The following AKAP10 variants were observed in gnomAD, a reference collection of about 807,000 sequenced individuals.
The protein encoded by AKAP10 is A-kinase anchor protein 10, mitochondrial.
A neutral mutation model predicts 80.8 loss-of-function variants in AKAP10; 24 were observed. The observed-to-expected ratio is 0.30, with a 90% CI of 0.22 to 0.42. The LOEUF (loss-of-function observed/expected upper bound fraction) is 0.42. Ranked by LOEUF, AKAP10 falls within the 10% of genes least tolerant of loss-of-function variation. The pLI is 1.00. For synonymous variants in AKAP10, 291 were observed against 277.7 expected, an observed-to-expected ratio of 1.05 and a Z score of -0.48; for missense variants, 661 against 794.9, an observed-to-expected ratio of 0.83 and a Z score of 2.03.
At chr17:19,966,188 T>C (rs2043416462) in intron 2 of AKAP10, among the ~76,000 whole-genome samples, 1 of 152,194 alleles carries the variant, frequency 6.6e-6, no homozygotes, top group Non-Finnish European at 1.5e-5. Context: ...TTTGGTTCTG[T>C]TAGGCAAGCC....
At chr17:19,971,114 GTGCTGGGAT>G (rs1473899812) in intron 1 of AKAP10, among the ~76,000 whole-genome samples, 2 of 151,916 alleles carry the variant, frequency 1.3e-5, no homozygotes, top group Middle Eastern at 3.4e-3. Context: ...GCCTCCCAAA[GTGCTGGGAT>G]TACAGGTGTG....
intron 4 of AKAP10, among the ~76,000 whole-genome samples, chr17:19,948,867 C>G (rs560937683): frequency 6.6e-6 from 1 of 152,120 alleles, no homozygotes; most frequent in South Asian, 2.1e-4. Context: ...AGATACAAAA[C>G]TGAACTGATG....
rs78387224 is a variant in AKAP10, at chr17:19,960,571, T to C, written c.320-2000A>G. Among the ~76,000 whole-genome samples, 405 of 152,346 alleles carry C rather than the reference T, an allele frequency of 2.7e-3. 15 individuals carry two copies. In the East Asian group the frequency reaches 0.074, roughly 28 times the overall value. On this transcript the variant is annotated intron_variant, in intron 3 of 14. Transcript: ENST00000225737. ...GCTGAATGGTATTCCATGGTATGAA[T>C]GAACCAGTTCATTCACCTGCTGAAG...
chr17:19,952,173 A>G (rs2043222974), intron 4 of AKAP10, among the ~76,000 whole-genome samples: 1 of 152,012 alleles, frequency 6.6e-6, no homozygotes, highest in South Asian at 2.1e-4. Flanking sequence ...ATTAAAAATA[A>G]CATGACTCAG....
intron 4 of AKAP10, among the ~76,000 whole-genome samples, chr17:19,951,655 G>A (rs2043215360): frequency 6.6e-6 from 1 of 152,020 alleles, no homozygotes; most frequent in South Asian, 2.1e-4. Flanking sequence ...TGGATTAAGG[G>A]TGGTGCAAGA....
At chr17:19,916,448 C>T (rs938510990) in intron 12 of AKAP10, among the ~76,000 whole-genome samples, 13 of 152,230 alleles carry the variant, frequency 8.5e-5, no homozygotes, top group Admixed American at 5.2e-4. Context: ...ATGAATAGAA[C>T]GAGCAGAGAT....
intron 5 of AKAP10, among the ~76,000 whole-genome samples, chr17:19,946,263 ATATATATATATATTTTTTTTTT>A (rs2043124262): frequency 3.7e-5 from 1 of 27,214 alleles, no homozygotes; most frequent in Non-Finnish European, 6.2e-5. Context: ...ATATATATAT[ATATATATATATATTTTTTTTTT>A]TTTTTTTTTT....
chr17:19,905,996 C>T lies in AKAP10; in HGVS notation c.*231G>A. 1 of 529,484 alleles carries T rather than the reference C, an allele frequency of 1.9e-6. No individual in the cohort carries two copies. Among genetic ancestry groups the T allele is most frequent in the East Asian group, 2.9e-5 (1 of 34,146 alleles). 32.8% of individuals were successfully genotyped at this position (529,484 alleles called of 1,614,324 possible). ...TAATTTTCTAGTAATGTAAACAATA[C>T]CATTTTGTATCTTTAAGACTCTCAC... On this transcript the variant is annotated 3_prime_UTR_variant, in exon 15 of 15. Coordinates refer to ENST00000225737, the MANE Select transcript of AKAP10 (RefSeq NM_007202.4).
chr17:19,955,346 T>G (rs2043263507), intron 4 of AKAP10, among the ~76,000 whole-genome samples: 1 of 152,204 alleles, frequency 6.6e-6, no homozygotes, highest in African/African-American at 2.4e-5. Context: ...TAACTGTTCT[T>G]TACCCTTATA....
intron 1 of AKAP10, among the ~76,000 whole-genome samples, chr17:19,969,014 G>A (rs751015637): frequency 2.4e-4 from 37 of 152,120 alleles, no homozygotes; most frequent in Non-Finnish European, 4.9e-4. Flanking sequence ...ATAGCATCAA[G>A]TGAAAACATC....
rs2042618685 is a variant in AKAP10 at position 19,905,054 on chromosome 17, CA to C, written c.*1172del. 1 of 149,350 alleles carries C rather than the reference CA, an allele frequency of 6.7e-6. No homozygotes were observed. The highest frequency in any genetic ancestry group is 2.1e-4 in the South Asian group (1 of 4,786). The allele number at this position is 149,350 out of a possible 1,614,324, so 9.3% of individuals were successfully genotyped here. On this transcript the variant is annotated 3_prime_UTR_variant, in exon 15 of 15. Transcript: ENST00000225737. ...TATTTTTTTTTTTGCAAAGTCTGAG[CA>C]AAAGCAGTAACATCTAAGAGAACTT...
In AKAP10 at chr17:19,948,610, G is replaced by C. The variant is rs1313062448; in HGVS notation, c.878-1105C>G. Among the ~76,000 whole-genome samples, 4 of 152,084 alleles carry C rather than the reference G, an allele frequency of 2.6e-5. No homozygotes were observed. In the East Asian group the frequency reaches 7.7e-4, roughly 29 times the overall value. ...TACAGGAAGTGTGCTGAAGTATAGG[G>C]AATCTAAAGCCCTGACTTTCTAGCC... On this transcript the variant is annotated intron_variant, in intron 4 of 14. Transcript: ENST00000225737.
At position 19,958,344 on chromosome 17, in the gene AKAP10, C is replaced by A. The variant is rs368967032; in HGVS notation, c.547G>T (p.Ala183Ser). The change falls in exon 4 of 15, where the codon GCT (alanine) becomes TCT (serine). Residue 183 changes from alanine (A) to serine (S), a missense_variant. Physicochemically the swap from Ala to Ser is moderately conservative, Grantham distance 99. Coordinates refer to ENST00000225737, the MANE Select transcript of AKAP10 (RefSeq NM_007202.4). ...TTTTTAGATGGAGAGACAGGCTCAGCCAGTGAGCTCTGCTTCACTGTGTTT... is the reference window on the plus strand; with the variant it reads ...TTTTTAGATGGAGAGACAGGCTCAGACAGTGAGCTCTGCTTCACTGTGTTT... ...SLNTVKQSSL[A>S]EPVSPSKKHE... 6.8e-6 allele frequency: 11 copies of A among 1,614,090 alleles called. No individual in the cohort carries two copies. The highest frequency in any genetic ancestry group is 1.3e-5 in the African/African-American group (1 of 74,932).
chr17:19,958,106 A>C lies in AKAP10; in HGVS notation c.785T>G (p.Met262Arg). 1 of 1,614,186 alleles carries C rather than the reference A, an allele frequency of 6.2e-7. No individual in the cohort carries two copies. ...TGTAGAGGAAGATTCTTGGGTTTCC[A>C]TGGAAACTTGGTGAGTTCCTGCTCT... ...MARAGTHQVS[M>R]ETQESSSTLT... The change falls in exon 4 of 15, where the codon ATG becomes AGG. Residue 262 changes from methionine (M) to arginine (R), a missense_variant. Coordinates refer to ENST00000225737, the MANE Select transcript of AKAP10 (RefSeq NM_007202.4).
intron 9 of AKAP10, among the ~76,000 whole-genome samples, chr17:19,935,292 A>G (rs1370161209): frequency 6.6e-6 from 1 of 152,190 alleles, no homozygotes; most frequent in East Asian, 1.9e-4. Context: ...AAAATGGTAC[A>G]TCTGTATAGG....
intron 12 of AKAP10, among the ~76,000 whole-genome samples, chr17:19,913,951 C>T (rs1440431716): frequency 6.6e-6 from 1 of 152,168 alleles, no homozygotes; most frequent in Admixed American, 6.6e-5. Flanking sequence ...ATAGTATAGA[C>T]AAACTCCCTG....
In AKAP10 at chr17:19,947,514, G is replaced by A. The variant is rs377114557; in HGVS notation, c.878-9C>T. The A allele has an allele frequency of 1.3e-6, 2 of 1,598,292 alleles. No individual in the cohort carries two copies. Among genetic ancestry groups the A allele is most frequent in the African/African-American group, 2.7e-5 (2 of 74,508 alleles). On this transcript the variant is annotated splice_polypyrimidine_tract_variant and intron_variant, in intron 4 of 14. Coordinates refer to ENST00000225737, the MANE Select transcript of AKAP10 (RefSeq NM_007202.4). ...TGCATCTTGTTCTATACCTGCAAGG[G>A]AAGAAGAGAACTTCAAAAACCAAAA... is the stretch of plus-strand genomic sequence containing the variant.
chr17:19,931,763 T>C (rs933259220), intron 10 of AKAP10, 42 bp downstream of exon 10: 2 of 1,565,604 alleles, frequency 1.3e-6, no homozygotes, highest in Non-Finnish European at 1.7e-6. Context: ...GGAAAGGATG[T>C]GTATGCTTTT....
chr17:19,932,107 T>C (rs1198872027), intron 9 of AKAP10, 129 bp from the exon 10 acceptor site: 2 of 873,350 alleles, frequency 2.3e-6, no homozygotes, highest in African/African-American at 1.7e-5. Context: ...TGTTTTTACT[T>C]CTTGTTGTAC....
Sources: allele counts gnomAD v4.1 joint callset (sites outside exome capture counted in the v4.1 genomes callset), GRCh38; gene constraint gnomAD v4.1.1; transcripts MANE v1.5; gene names NCBI Gene and HGNC (gene_info 2026-07-23, HGNC 2026-07-21).